Variants in EPB41L4A observed in about 807,000 individuals in gnomAD.
EPB41L4A encodes erythrocyte membrane protein band 4.1 like 4A.
EPB41L4A carries 100 observed loss-of-function variants against 108.6 expected under a neutral mutation model. The observed-to-expected ratio is 0.92, with a 90% CI of 0.78 to 1.09. The LOEUF (loss-of-function observed/expected upper bound fraction) is 1.09, where lower values mean the gene tolerates loss of function less well. EPB41L4A is among the 50% of genes least tolerant of loss of function. The probability of loss-of-function intolerance (pLI) is 0.00; values close to 1 mark genes in which losing one functional copy is unlikely to be tolerated. For synonymous variants in EPB41L4A, 319 were observed against 289.0 expected (o/e 1.10, Z -1.05); for missense variants, 1,030 against 842.7 (o/e 1.22, Z -2.75).
At chr5:112,152,932 T>C (rs1759522471) in intron 12 of EPB41L4A, among the ~76,000 whole-genome samples, 1 of 152,168 alleles carries the variant, frequency 6.6e-6, no homozygotes, top group African/African-American at 2.4e-5. Flanking sequence ...TTCAAATATA[T>C]ACAGGGCCAG....
chr5:112,381,931 A>G (rs1405664555), intron 1 of EPB41L4A, among the ~76,000 whole-genome samples: 2 of 152,248 alleles, frequency 1.3e-5, no homozygotes, highest in African/African-American at 4.8e-5. Flanking sequence ...CAGGTGACAA[A>G]TATCTACTGC....
intron 12 of EPB41L4A, among the ~76,000 whole-genome samples, chr5:112,212,177 G>A (rs1170715527): frequency 6.6e-6 from 1 of 152,148 alleles, no homozygotes; most frequent in Non-Finnish European, 1.5e-5. Flanking sequence ...CAAAGATTTG[G>A]GATGAAGCTG....
At chr5:112,308,261 A>C (rs531510202) in intron 1 of EPB41L4A, among the ~76,000 whole-genome samples, 2 of 152,204 alleles carry the variant, frequency 1.3e-5, no homozygotes, top group Non-Finnish European at 2.9e-5. Context: ...GGCTGGTATA[A>C]TAAGATAATA....
rs536468218 is a variant in EPB41L4A at position 112,164,947 on chromosome 5, C to T, written c.*43G>A. On this transcript the variant is annotated 3_prime_UTR_variant, in exon 23 of 23. Transcript: ENST00000261486. Reference sequence around the variant, plus strand: ...TTCACAGTTTCAAAAGTACCAGTGGCGCACACAACCTTCCCACCCCTACCC... The same window carrying T: ...TTCACAGTTTCAAAAGTACCAGTGGTGCACACAACCTTCCCACCCCTACCC... 1.1e-5 allele frequency: 17 copies of T among 1,527,180 alleles called. No individual in the cohort carries two copies. The highest frequency in any genetic ancestry group is 5.3e-5 in the South Asian group (4 of 75,564). 94.6% of individuals were successfully genotyped at this position (1,527,180 alleles called of 1,614,324 possible).
At chr5:112,238,806 T>G (rs1236986450) in intron 11 of EPB41L4A, among the ~76,000 whole-genome samples, 1 of 152,220 alleles carries the variant, frequency 6.6e-6, no homozygotes, top group Non-Finnish European at 1.5e-5. Flanking sequence ...CCTAATACTA[T>G]GCCTTGCACA....
intron 13 of EPB41L4A, 134 bp from the exon 14 acceptor site, chr5:112,205,638 C>G: frequency 1.4e-6 from 1 of 691,858 alleles, no homozygotes. Flanking sequence ...ATACCTGTGA[C>G]TCTAAAAAGA....
intron 1 of EPB41L4A, among the ~76,000 whole-genome samples, chr5:112,393,524 T>C (rs182485414): frequency 6.4e-4 from 98 of 152,204 alleles, no homozygotes; most frequent in African/African-American, 2.3e-3. Flanking sequence ...ACATACACCT[T>C]CCCAAGATGA....
At chr5:112,196,891 ACTC>A (rs1561466902) in intron 15 of EPB41L4A, 1 of 152,184 alleles carries the variant, frequency 6.6e-6, no homozygotes, top group Non-Finnish European at 1.5e-5. Flanking sequence ...GACCCACAGT[ACTC>A]CTGTTTCAGC....
chr5:112,319,973 A>G (rs1357931547), intron 1 of EPB41L4A, among the ~76,000 whole-genome samples: 2 of 152,236 alleles, frequency 1.3e-5, no homozygotes, highest in Admixed American at 1.3e-4. Flanking sequence ...ATCATCATAA[A>G]GCCTATGTGG....
intron 15 of EPB41L4A, among the ~76,000 whole-genome samples, chr5:112,197,357 G>A (rs775340472): frequency 6.6e-6 from 1 of 151,992 alleles, no homozygotes; most frequent in Admixed American, 6.5e-5. Context: ...TATGGCTTAC[G>A]TTACTCCATT....
At chr5:112,345,489 C>T (rs1322091142) in intron 1 of EPB41L4A, among the ~76,000 whole-genome samples, 1 of 151,854 alleles carries the variant, frequency 6.6e-6, no homozygotes, top group East Asian at 1.9e-4. Flanking sequence ...ATACATTAGA[C>T]TAGAAGGAAA....
chr5:112,167,982 C>G (rs1156369661), intron 22 of EPB41L4A, among the ~76,000 whole-genome samples: 2 of 152,198 alleles, frequency 1.3e-5, no homozygotes, highest in Non-Finnish European at 2.9e-5. Context: ...GATCCATGAT[C>G]AAATGACACT....
At chr5:112,235,767 A>G (rs572372247) in intron 11 of EPB41L4A, among the ~76,000 whole-genome samples, 12 of 152,334 alleles carry the variant, frequency 7.9e-5, no homozygotes, top group African/African-American at 2.9e-4. Flanking sequence ...ACTCTGCATC[A>G]GGCTAAGTTG....
chr5:112,385,705 C>T (rs1226207892), intron 1 of EPB41L4A, among the ~76,000 whole-genome samples: 6 of 152,100 alleles, frequency 3.9e-5, no homozygotes, highest in Non-Finnish European at 7.4e-5. Context: ...CCAAAGGACA[C>T]AAAACTCAAA....
downstream of EPB41L4A, among the ~76,000 whole-genome samples, chr5:112,142,152 T>C (rs932089148): frequency 6.6e-6 from 1 of 152,242 alleles, no homozygotes; most frequent in African/African-American, 2.4e-5. Flanking sequence ...CAGAGCCTTA[T>C]ACACTAGGTT....
At chr5:112,165,700 TCTTA>T (rs1409927398) in intron 22 of EPB41L4A, among the ~76,000 whole-genome samples, 4 of 152,184 alleles carry the variant, frequency 2.6e-5, no homozygotes, top group East Asian at 1.9e-4. Flanking sequence ...CCCCTCCTCC[TCTTA>T]CTTCCAAGGA....
downstream of EPB41L4A, chr5:112,161,603 G>A (rs778425282): frequency 2.3e-5 from 12 of 519,074 alleles, no homozygotes; most frequent in Non-Finnish European, 4.6e-5. Flanking sequence ...TGTAGGAGCT[G>A]CATAAGTAAC....
intron 1 of EPB41L4A, among the ~76,000 whole-genome samples, chr5:112,386,471 T>C (rs542723918): frequency 6.6e-6 from 1 of 152,184 alleles, no homozygotes; most frequent in Non-Finnish European, 1.5e-5. Flanking sequence ...TTCCTCTACA[T>C]GGCCCAATAC....
chr5:112,393,339 G>A lies in EPB41L4A; in HGVS notation c.99+25602C>T, dbSNP rs36160525. 3.6e-4 allele frequency among the ~76,000 whole-genome samples: 54 copies of A among 152,082 alleles called. 1 individual carries two copies. The highest frequency in any genetic ancestry group is 7.2e-4 in the Admixed American group (11 of 15,280). On this transcript the variant is annotated intron_variant, in intron 1 of 22. Coordinates refer to ENST00000261486, the MANE Select transcript of EPB41L4A (RefSeq NM_022140.5). The stretch of plus-strand genomic sequence containing the variant: ...AAAAGATCAACAAAATTGATAGACC[G>A]CTAGCAAGACTAATAAAGAAGAAAA...
Sources: gnomAD v4.1 joint callset for allele counts (sites outside exome capture counted in the v4.1 genomes callset) on GRCh38, gnomAD v4.1.1 for gene constraint, MANE v1.5 for transcripts, NCBI Gene and HGNC (gene_info 2026-07-23, HGNC 2026-07-21) for gene names.